SLC35F3: variants seen among roughly 807,000 people sequenced by gnomAD.
SLC35F3 encodes the protein putative thiamine transporter SLC35F3.
A neutral mutation model predicts 49.9 loss-of-function variants in SLC35F3; 25 were observed. The observed-to-expected ratio is 0.50, with a 90% CI of 0.37 to 0.70. The LOEUF is 0.70. Among genes scored for constraint, SLC35F3 ranks in the 30% least tolerant of loss-of-function variants. The pLI is 0.00. For synonymous variants in SLC35F3, 275 were observed against 265.4 expected (o/e 1.04, Z -0.35); for missense variants, 525 against 639.8 (o/e 0.82, Z 1.94).
chr1:234,283,438 G>A (rs751224072), intron 3 of SLC35F3, among the ~76,000 whole-genome samples: 16 of 152,178 alleles, frequency 1.1e-4, no homozygotes, highest in Admixed American at 5.9e-4. Flanking sequence ...CTGCTAATTA[G>A]CAGCCCTGGG....
At chr1:234,045,171 C>T (rs1664271654) in intron 2 of SLC35F3, among the ~76,000 whole-genome samples, 1 of 152,116 alleles carries the variant, frequency 6.6e-6, no homozygotes, top group South Asian at 2.1e-4. Flanking sequence ...AACTCATTCT[C>T]TCCCTCTCCA....
intron 2 of SLC35F3, among the ~76,000 whole-genome samples, chr1:233,916,617 C>A (rs981862326): frequency 6.6e-6 from 1 of 152,128 alleles, no homozygotes; most frequent in Non-Finnish European, 1.5e-5. Flanking sequence ...TATGTAATTA[C>A]GATTAATTGT....
intron 2 of SLC35F3, among the ~76,000 whole-genome samples, chr1:234,071,275 G>C (rs1350513): frequency 1.5e-4 from 23 of 152,284 alleles, no homozygotes; most frequent in African/African-American, 4.6e-4. Flanking sequence ...GAGAAACTAT[G>C]GGCCAGGCAC....
chr1:234,064,736 T>C (rs1412587976), intron 2 of SLC35F3, among the ~76,000 whole-genome samples: 1 of 151,894 alleles, frequency 6.6e-6, no homozygotes, highest in Admixed American at 6.6e-5. Flanking sequence ...TGCGTTCAAA[T>C]AGATCCCAGG....
At chr1:234,182,576 C>T (rs950719110) in intron 2 of SLC35F3, among the ~76,000 whole-genome samples, 2 of 152,138 alleles carry the variant, frequency 1.3e-5, no homozygotes, top group African/African-American at 2.4e-5. Flanking sequence ...TTCTTGAGAT[C>T]GATTGCCAGA....
intron 2 of SLC35F3, among the ~76,000 whole-genome samples, chr1:233,956,045 G>A (rs181731104): frequency 1.8e-4 from 28 of 151,732 alleles, no homozygotes; most frequent in East Asian, 1.4e-3. Flanking sequence ...GCGCCACCAC[G>A]CCTGGCTAAT....
chr1:234,292,388 C>T (rs186937842), intron 3 of SLC35F3, among the ~76,000 whole-genome samples: 38 of 152,324 alleles, frequency 2.5e-4, no homozygotes, highest in East Asian at 1.5e-3. Flanking sequence ...ATTATTGGAA[C>T]GCCAAGCATG....
At chr1:234,245,560 A>G (rs1227573449) in intron 3 of SLC35F3, among the ~76,000 whole-genome samples, 1 of 152,238 alleles carries the variant, frequency 6.6e-6, no homozygotes, top group Non-Finnish European at 1.5e-5. Context: ...TTAACAAACT[A>G]ATCTGAACCT....
chr1:234,137,096 T>C (rs1665823160), intron 2 of SLC35F3, among the ~76,000 whole-genome samples: 1 of 152,156 alleles, frequency 6.6e-6, no homozygotes, highest in African/African-American at 2.4e-5. Context: ...CTGGACAAGG[T>C]AACCAATCCA....
At chr1:234,184,151 CAAAA>C (rs1299157558) in intron 2 of SLC35F3, among the ~76,000 whole-genome samples, 1 of 148,548 alleles carries the variant, frequency 6.7e-6, no homozygotes, top group Non-Finnish European at 1.5e-5. Context: ...AAAAAAAAAA[CAAAA>C]AACCTAAATG....
At chr1:234,086,472 A>G (rs1000480545) in intron 2 of SLC35F3, among the ~76,000 whole-genome samples, 3 of 152,216 alleles carry the variant, frequency 2.0e-5, no homozygotes, top group African/African-American at 7.2e-5. Flanking sequence ...AAAGAAAACT[A>G]TATTTATTCA....
At chr1:234,000,728 A>T (rs1663537756) in intron 2 of SLC35F3, among the ~76,000 whole-genome samples, 1 of 152,168 alleles carries the variant, frequency 6.6e-6, no homozygotes, top group Non-Finnish European at 1.5e-5. Context: ...TACAAATGGG[A>T]GTTAGCACAT....
chr1:234,258,727 GTCAGATTTCTC>G (rs1252324282), intron 3 of SLC35F3, among the ~76,000 whole-genome samples: 2 of 152,250 alleles, frequency 1.3e-5, no homozygotes, highest in African/African-American at 4.8e-5. Context: ...AGTCAGCTAT[GTCAGATTTCTC>G]TCAGATTTCT....
intron 2 of SLC35F3, among the ~76,000 whole-genome samples, chr1:234,148,539 C>A (rs1371480457): frequency 6.6e-6 from 1 of 152,088 alleles, no homozygotes; most frequent in Admixed American, 6.5e-5. Context: ...TCTAGAGAGG[C>A]AGGGAGAGCC....
chr1:234,034,318 C>G (rs1485671202), intron 2 of SLC35F3, among the ~76,000 whole-genome samples: 1 of 152,102 alleles, frequency 6.6e-6, no homozygotes, highest in Non-Finnish European at 1.5e-5. Flanking sequence ...TTCCTCTTTA[C>G]CAATTTGGAT....
intron 2 of SLC35F3, among the ~76,000 whole-genome samples, chr1:234,121,832 T>C (rs1204354270): frequency 6.6e-6 from 1 of 152,206 alleles, no homozygotes; most frequent in African/African-American, 2.4e-5. Flanking sequence ...TCTGTCCTTA[T>C]GATAGTTTGC....
At position 234,121,221 on chromosome 1, in the gene SLC35F3, C is replaced by T. The variant is rs111648664; in HGVS notation, c.284-110196C>T. ...GCGCAATCTTGGCTCACTGCAAGCT[C>T]CACCTCCCGGGTTCATTCCATTCTC... On this transcript the variant is annotated intron_variant, in intron 2 of 7. Coordinates refer to ENST00000366618, the MANE Select transcript of SLC35F3 (RefSeq NM_173508.4). 5.7e-3 allele frequency among the ~76,000 whole-genome samples: 852 copies of T among 148,642 alleles called. 11 individuals are homozygous for T. The highest frequency in any genetic ancestry group is 0.02 in the African/African-American group (812 of 40,670).
chr1:234,052,747 T>A (rs1664398011), intron 2 of SLC35F3, among the ~76,000 whole-genome samples: 1 of 152,240 alleles, frequency 6.6e-6, no homozygotes, highest in Non-Finnish European at 1.5e-5. Flanking sequence ...CAATTTTAGA[T>A]CTTTCCTGCT....
chr1:234,068,740 T>C (rs2102866354), intron 2 of SLC35F3, among the ~76,000 whole-genome samples: 1 of 148,430 alleles, frequency 6.7e-6, no homozygotes, highest in South Asian at 2.1e-4. Flanking sequence ...TGCAGACCGC[T>C]GTAAATGCTT....
Sources: allele counts gnomAD v4.1 joint callset (sites outside exome capture counted in the v4.1 genomes callset), GRCh38; gene constraint gnomAD v4.1.1; transcripts MANE v1.5; gene names NCBI Gene and HGNC (gene_info 2026-07-23, HGNC 2026-07-21).